Variants in EMILIN2 observed in about 807,000 individuals in gnomAD.
The protein encoded by EMILIN2 is EMILIN-2.
In EMILIN2, 71 loss-of-function variants were observed where a neutral mutation model predicts 87.1. That is an observed-to-expected ratio of 0.82 (90% CI 0.67 to 0.99). The LOEUF is 0.99. Among genes scored for constraint, EMILIN2 ranks in the 50% least tolerant of loss-of-function variants. EMILIN2 has a pLI of 0.00. For missense variants in EMILIN2, 1,407 were observed against 1,371.8 expected (o/e 1.03, Z -0.40); for synonymous variants, 581 against 563.4 (o/e 1.03, Z -0.44).
At position 2,906,977 on chromosome 18, in the gene EMILIN2, G is replaced by T; in HGVS notation, c.2554G>T (p.Gly852Trp). 4 of 1,389,536 alleles carry T rather than the reference G, an allele frequency of 2.9e-6. No homozygotes were observed. Among genetic ancestry groups the T allele is most frequent in the Non-Finnish European group, 3.7e-6 (4 of 1,069,874 alleles). The allele number at this position is 1,389,536 out of a possible 1,614,324, so 86.1% of individuals were successfully genotyped here. ...TGVIAETGQA[G>W]PPAGAGVSGR... is the part of the protein sequence containing the mutation. ...GGTCATCGCGGAGACGGGCCAGGCC[G>T]GGCCCCCCGCAGGCGCAGGCGTGTC... Residue 852 changes from glycine to tryptophan, a missense_variant, in exon 5 of 8, where the codon GGG (glycine) becomes TGG (tryptophan). Transcript: ENST00000254528.
rs1188622773 is a variant in EMILIN2 at position 2,885,042 on chromosome 18, C to G, written c.336C>G (p.Gly112=). 1.2e-6 allele frequency: 2 copies of G among 1,613,706 alleles called. No homozygotes were observed. Among genetic ancestry groups the G allele is most frequent in the African/African-American group, 2.7e-5 (2 of 74,928 alleles). Residue 112 remains glycine (G), a synonymous_variant, in exon 3 of 8, where the codon GGC becomes GGG. Coordinates refer to ENST00000254528, the MANE Select transcript of EMILIN2 (RefSeq NM_032048.3). ...VTQLEWRCCP[G]FRGGDCQEGP... is the part of the protein sequence containing the mutation. ...AGTTGGAATGGAGGTGCTGTCCTGGCTTTAGAGGGGGAGATTGCCAAGAAG... is the reference window on the plus strand; with the variant it reads ...AGTTGGAATGGAGGTGCTGTCCTGGGTTTAGAGGGGGAGATTGCCAAGAAG...
chr18:2,858,547 A>ATATATATATATATATGTGTG (rs2076640505), intron 2 of EMILIN2, among the ~76,000 whole-genome samples: 1 of 48,054 alleles, frequency 2.1e-5, no homozygotes, highest in Non-Finnish European at 3.4e-5. Context: ...ATATATATAT[A>ATATATATATATATATGTGTG]TATATATATA....
Position 2,847,205 on chromosome 18 carries a change from G to C in EMILIN2, c.17G>C (p.Arg6Pro), listed in dbSNP as rs555490143. The C allele has an allele frequency of 2.5e-6, 3 of 1,207,042 alleles. No homozygotes were observed. The highest frequency in any genetic ancestry group is 3.1e-6 in the Non-Finnish European group (3 of 973,578). The allele number at this position is 1,207,042 out of a possible 1,614,324, so 74.8% of individuals were successfully genotyped here. A position where few individuals can be genotyped will look rare whatever the true frequency, so the allele number is the denominator to read the frequency against. Reference sequence around the variant, plus strand: ...GCGCGCGGGATGTGGCAGCCCAGACGGCCCTGGCCCCGCGTGCCCTGGCGC... The same window carrying C: ...GCGCGCGGGATGTGGCAGCCCAGACCGCCCTGGCCCCGCGTGCCCTGGCGC... MWQPR[R>P]PWPRVPWRWA... The change falls in exon 1 of 8, where the codon CGG (arginine) becomes CCG (proline). Residue 6 changes from arginine (R) to proline (P), a missense_variant. Transcript: ENST00000254528. The surrounding 1 kb of genome is among the most constrained non-coding windows in gnomAD (Gnocchi z 4.5).
In EMILIN2 at chr18:2,913,335, C is replaced by T. The variant is rs1311995849; in HGVS notation, c.3093C>T (p.His1031=). Residue 1031 remains histidine, a synonymous_variant, in exon 8 of 8, where the codon CAC becomes CAT. Coordinates refer to ENST00000254528, the MANE Select transcript of EMILIN2 (RefSeq NM_032048.3). ...TGGTGACTGGGGGCAAGCTGGCTCA[C>T]ACAGACTTTGATGAAATGTACTCCA... ...NVVVTGGKLA[H]TDFDEMYSTF... is the part of the protein sequence containing the mutation. 6.2e-7 allele frequency: 1 copy of T among 1,612,658 alleles called. No homozygotes were observed. Among genetic ancestry groups the T allele is most frequent in the Non-Finnish European group, 8.5e-7 (1 of 1,179,280 alleles).
chr18:2,849,809 A>C (rs893262587), intron 2 of EMILIN2, among the ~76,000 whole-genome samples: 1 of 152,246 alleles, frequency 6.6e-6, no homozygotes, highest in African/African-American at 2.4e-5. Context: ...TCTTGACATT[A>C]GCTTCAGCAG....
chr18:2,888,199 AGT>A (rs1419551430), intron 3 of EMILIN2, among the ~76,000 whole-genome samples: 1 of 152,140 alleles, frequency 6.6e-6, no homozygotes, highest in Non-Finnish European at 1.5e-5. Flanking sequence ...AATTTCTTGA[AGT>A]GTAATTGTAG....
At chr18:2,870,413 A>G (rs1355208890) in intron 2 of EMILIN2, among the ~76,000 whole-genome samples, 1 of 152,192 alleles carries the variant, frequency 6.6e-6, no homozygotes, top group African/African-American at 2.4e-5. Context: ...TCATTAAACA[A>G]ATATTTTTGT....
chr18:2,911,229 T>C (rs1433259406), intron 7 of EMILIN2, among the ~76,000 whole-genome samples: 1 of 152,212 alleles, frequency 6.6e-6, no homozygotes, highest in African/African-American at 2.4e-5. Flanking sequence ...GTTGCGTCCC[T>C]TTCCTGATTC....
chr18:2,899,485 A>T (rs12456440), intron 4 of EMILIN2, among the ~76,000 whole-genome samples: 4,898 of 152,260 alleles, frequency 0.032, 183 homozygotes, highest in African/African-American at 0.087. Context: ...AATTTTAGAA[A>T]CAGCTTGTGA....
chr18:2,908,989 G>C lies in EMILIN2; in HGVS notation c.2695+14G>C, dbSNP rs1246314546. On this transcript the variant is annotated intron_variant, in intron 6 of 7. Coordinates refer to ENST00000254528, the MANE Select transcript of EMILIN2 (RefSeq NM_032048.3). Reference sequence around the variant, plus strand: ...TAGCTTCCCCAGGTATGTCTGCTGAGAGACCAGGAGCAGGAGGAGCGGTCT... The same window carrying C: ...TAGCTTCCCCAGGTATGTCTGCTGACAGACCAGGAGCAGGAGGAGCGGTCT... 6.2e-7 allele frequency: 1 copy of C among 1,613,042 alleles called. No homozygotes were observed. Among genetic ancestry groups the C allele is most frequent in the African/African-American group, 1.3e-5 (1 of 74,858 alleles).
At chr18:2,861,033 T>C (rs2076658379) in intron 2 of EMILIN2, among the ~76,000 whole-genome samples, 1 of 152,262 alleles carries the variant, frequency 6.6e-6, no homozygotes, top group African/African-American at 2.4e-5. Context: ...CATAAATGTC[T>C]TCTTTTGAGA....
In EMILIN2 at chr18:2,871,945, TG is replaced by T. The variant is rs561149195; in HGVS notation, c.258-13013del. On this transcript the variant is annotated intron_variant, in intron 2 of 7. Coordinates refer to ENST00000254528, the MANE Select transcript of EMILIN2 (RefSeq NM_032048.3). The stretch of plus-strand genomic sequence containing the variant: ...TTTCCTTTTTTATCCTTTCAATGTC[TG>T]GGGGGCAAAAGAGGAGCAAATGTTA... Among the ~76,000 whole-genome samples the T allele has an allele frequency of 1.7e-4, 26 of 152,314 alleles. No homozygotes were observed. The East Asian group carries it at 4.8e-3, about 28-fold the overall frequency.
At position 2,858,522 on chromosome 18, in the gene EMILIN2, CATATATATATATATAT is replaced by C. The variant is rs202158489; in HGVS notation, c.257+10624_257+10639del. Among the ~76,000 whole-genome samples the C allele has an allele frequency of 5.9e-3, 269 of 45,746 alleles. 7 individuals carry two copies. The highest frequency in any genetic ancestry group is 0.024 in the African/African-American group (187 of 7,780). 30.0% of individuals were successfully genotyped at this position (45,746 alleles called of 152,430 possible). A position where few individuals can be genotyped will look rare whatever the true frequency, so the allele number is the denominator to read the frequency against. ...TTTTTATAGCTGAGTAGTATTCCATCATATATATATATATATATATATATATATATATATATATATA... is the reference window on the plus strand; with the variant it reads ...TTTTTATAGCTGAGTAGTATTCCATCATATATATATATATATATATATATA... On this transcript the variant is annotated intron_variant, in intron 2 of 7. Transcript: ENST00000254528.
chr18:2,878,704 C>T (rs905395606), intron 2 of EMILIN2, among the ~76,000 whole-genome samples: 1 of 152,116 alleles, frequency 6.6e-6, no homozygotes, highest in Non-Finnish European at 1.5e-5. Context: ...TTCTTCCCCC[C>T]TGCCTGGCTA....
rs987722717 is a variant in EMILIN2 at position 2,905,672 on chromosome 18, G to A, written c.2360-1111G>A. The stretch of plus-strand genomic sequence containing the variant: ...AGGCTGGAGTGCAGCGGGCGATCTC[G>A]GCTCCCTGCAACCTCCACCTCCTGG... On this transcript the variant is annotated intron_variant, in intron 4 of 7. Transcript: ENST00000254528. Among the ~76,000 whole-genome samples the A allele has an allele frequency of 2.0e-5, 3 of 151,690 alleles. No individual in the cohort carries two copies. In the East Asian group the frequency reaches 5.8e-4, roughly 29 times the overall value.
chr18:2,884,106 C>G (rs911593667), intron 2 of EMILIN2, among the ~76,000 whole-genome samples: 32 of 152,258 alleles, frequency 2.1e-4, no homozygotes, highest in Admixed American at 1.2e-3. Context: ...CAGGCGCACG[C>G]CATCACGCCC....
chr18:2,854,006 G>T (rs559126412), intron 2 of EMILIN2, among the ~76,000 whole-genome samples: 1 of 152,116 alleles, frequency 6.6e-6, no homozygotes, highest in Non-Finnish European at 1.5e-5. Context: ...TTTTAGTATT[G>T]GGGGCTTTGG....
At chr18:2,895,276 C>T (rs532857070) in intron 4 of EMILIN2, among the ~76,000 whole-genome samples, 77 of 151,958 alleles carry the variant, frequency 5.1e-4, no homozygotes, top group African/African-American at 1.7e-3. Context: ...AGGTATTTAC[C>T]GAGCAGAGTA....
Position 2,913,653 on chromosome 18 carries a change from A to G in EMILIN2, c.*249A>G. Reference sequence around the variant, plus strand: ...AACTGGACAACTGGAAGACTTGGAAAGGCCTCCACCTGTATCTACACTCTG... The same window carrying G: ...AACTGGACAACTGGAAGACTTGGAAGGGCCTCCACCTGTATCTACACTCTG... On this transcript the variant is annotated 3_prime_UTR_variant, in exon 8 of 8. Transcript: ENST00000254528. 2.6e-6 allele frequency: 1 copy of G among 379,362 alleles called. No homozygotes were observed. The highest frequency in any genetic ancestry group is 4.7e-6 in the Non-Finnish European group (1 of 212,304). The allele number at this position is 379,362 out of a possible 1,614,324, so 23.5% of individuals were successfully genotyped here. A position where few individuals can be genotyped will look rare whatever the true frequency, so the allele number is the denominator to read the frequency against.
Sources: gnomAD v4.1 joint callset for allele counts (sites outside exome capture counted in the v4.1 genomes callset) on GRCh38, gnomAD v4.1.1 for gene constraint, Gnocchi (gnomAD v3.1) non-coding constraint, MANE v1.5 for transcripts, NCBI Gene and HGNC (gene_info 2026-07-23, HGNC 2026-07-21) for gene names.